SLC14A2: variants seen among roughly 807,000 people sequenced by gnomAD.
SLC14A2 encodes the protein urea transporter 2.
In SLC14A2, 91 loss-of-function variants were observed where a neutral mutation model predicts 104.6. The ratio of observed to expected loss-of-function variants is 0.87; its 90% confidence interval spans 0.73 to 1.04. The LOEUF is 1.04. SLC14A2 is among the 50% of genes least tolerant of loss of function. The pLI, the probability that SLC14A2 is intolerant of heterozygous loss-of-function variation, is 0.00. For synonymous variants in SLC14A2, 476 were observed against 466.4 expected (o/e 1.02, Z -0.27); for missense variants, 1,189 against 1,156.0 (o/e 1.03, Z -0.41).
chr18:45,658,654 T>C (rs189167752), intron 10 of SLC14A2, among the ~76,000 whole-genome samples: 55 of 151,994 alleles, frequency 3.6e-4, no homozygotes, highest in African/African-American at 7.5e-4. Context: ...AAGGTTGATA[T>C]TCAGAAAGAG....
chr18:45,642,275 C>T (rs928384692), intron 8 of SLC14A2, among the ~76,000 whole-genome samples: 18 of 152,186 alleles, frequency 1.2e-4, no homozygotes, highest in African/African-American at 4.1e-4. Flanking sequence ...CCCTTGTATC[C>T]CCTCAGCAGC....
chr18:45,598,256 C>T (rs1164075495), intron 2 of SLC14A2, among the ~76,000 whole-genome samples: 1 of 152,048 alleles, frequency 6.6e-6, no homozygotes, highest in African/African-American at 2.4e-5. Flanking sequence ...AATAGATTAC[C>T]GAGAAGCTCC....
At chr18:45,311,078 C>A (rs2085073817) in intron 1 of SLC14A2, among the ~76,000 whole-genome samples, 1 of 152,156 alleles carries the variant, frequency 6.6e-6, no homozygotes, top group African/African-American at 2.4e-5. Context: ...TTGCTTCGGG[C>A]TTGGTATCCA....
At chr18:45,309,220 C>T (rs559652894) in intron 1 of SLC14A2, among the ~76,000 whole-genome samples, 2 of 152,298 alleles carry the variant, frequency 1.3e-5, no homozygotes, top group South Asian at 4.1e-4. Context: ...TTGGAAGACA[C>T]CCTTATTCCA....
At chr18:45,534,056 A>T (rs1006629936) in intron 2 of SLC14A2, among the ~76,000 whole-genome samples, 1 of 152,226 alleles carries the variant, frequency 6.6e-6, no homozygotes, top group Admixed American at 6.5e-5. Flanking sequence ...CCAGTTCTTA[A>T]GCTTTTGTGC....
chr18:45,313,614 T>A (rs2085100288), intron 1 of SLC14A2, among the ~76,000 whole-genome samples: 1 of 152,242 alleles, frequency 6.6e-6, no homozygotes. Context: ...CTCAGTAATA[T>A]TTCACAAGCT....
chr18:45,170,234 A>G, the SLC14A2 span, among the ~76,000 whole-genome samples: 10 of 152,086 alleles, frequency 6.6e-5, no homozygotes, highest in African/African-American at 2.4e-4. Flanking sequence ...TTGCTCTACA[A>G]CTTCACAGAT....
Position 45,281,532 on chromosome 18 carries a change from C to T in SLC14A2, c.-125+68341C>T, listed in dbSNP as rs138852497. Among the ~76,000 whole-genome samples the T allele has an allele frequency of 5.8e-3, 880 of 152,286 alleles. 2 individuals carry two copies. The highest frequency in any genetic ancestry group is 9.5e-3 in the Non-Finnish European group (648 of 68,032). ...AAGTTTAGATATTTTTTGTTTGTTT[C>T]TTCAGGCTCTTTCCAATCCAAATTT... On this transcript the variant is annotated intron_variant, in intron 1 of 20. Transcript: ENST00000586448.
intron 1 of SLC14A2, among the ~76,000 whole-genome samples, chr18:45,388,704 C>T (rs992439638): frequency 6.6e-6 from 1 of 152,148 alleles, no homozygotes; most frequent in Non-Finnish European, 1.5e-5. Flanking sequence ...ATCCCAGATA[C>T]CAACTAGACA....
chr18:45,260,834 C>T (rs1003377505), intron 1 of SLC14A2, among the ~76,000 whole-genome samples: 2 of 151,952 alleles, frequency 1.3e-5, no homozygotes, highest in Admixed American at 6.6e-5. Flanking sequence ...CTGGGGACTA[C>T]TAGAGAGGGG....
At chr18:45,482,342 A>C (rs1035998483) in intron 1 of SLC14A2, among the ~76,000 whole-genome samples, 1 of 152,206 alleles carries the variant, frequency 6.6e-6, no homozygotes, top group South Asian at 2.1e-4. Flanking sequence ...TCAGTTATCT[A>C]TGGCTGTTTT....
At chr18:45,500,523 G>A (rs1020235977) in intron 2 of SLC14A2, among the ~76,000 whole-genome samples, 1 of 142,812 alleles carries the variant, frequency 7.0e-6, no homozygotes, top group African/African-American at 2.6e-5. Flanking sequence ...CTTGCAGTGA[G>A]CCGAGATCGC....
At chr18:45,519,614 A>G (rs1598952880) in intron 2 of SLC14A2, among the ~76,000 whole-genome samples, 1 of 152,202 alleles carries the variant, frequency 6.6e-6, no homozygotes, top group East Asian at 1.9e-4. Flanking sequence ...AACTAATTGG[A>G]AAAAGGGGGC....
At chr18:45,251,022 TC>T (rs1232861157) in intron 1 of SLC14A2, among the ~76,000 whole-genome samples, 1 of 152,118 alleles carries the variant, frequency 6.6e-6, no homozygotes, top group Admixed American at 6.5e-5. Context: ...AGAAAAAGAA[TC>T]TTTTTATTAA....
At chr18:45,442,739 T>C (rs1302357591) in intron 1 of SLC14A2, among the ~76,000 whole-genome samples, 2 of 152,204 alleles carry the variant, frequency 1.3e-5, no homozygotes, top group Non-Finnish European at 2.9e-5. Context: ...GAGATGTATA[T>C]AAAGCTTAAT....
chr18:45,478,627 C>A (rs961932366), intron 1 of SLC14A2, among the ~76,000 whole-genome samples: 2 of 152,120 alleles, frequency 1.3e-5, no homozygotes, highest in Non-Finnish European at 2.9e-5. Flanking sequence ...TCTTTCTTAA[C>A]CAGCTATTTT....
chr18:45,226,795 A>G (rs2084122864), intron 1 of SLC14A2, among the ~76,000 whole-genome samples: 1 of 150,524 alleles, frequency 6.6e-6, no homozygotes, highest in African/African-American at 2.5e-5. Flanking sequence ...CATGTACCCT[A>G]GAACTTAAAT....
intron 1 of SLC14A2, among the ~76,000 whole-genome samples, chr18:45,312,304 G>A (rs757762383): frequency 6.6e-6 from 1 of 151,918 alleles, no homozygotes; most frequent in Non-Finnish European, 1.5e-5. Context: ...CAATATGAGA[G>A]ACAATCAGCT....
intron 2 of SLC14A2, among the ~76,000 whole-genome samples, chr18:45,600,793 C>T (rs1463161926): frequency 6.6e-6 from 1 of 152,144 alleles, no homozygotes; most frequent in African/African-American, 2.4e-5. Context: ...ACTTCCCTTA[C>T]AAAACGCAAA....
Sources: gnomAD v4.1 joint callset for allele counts (sites outside exome capture counted in the v4.1 genomes callset) on GRCh38, gnomAD v4.1.1 for gene constraint, MANE v1.5 for transcripts, NCBI Gene and HGNC (gene_info 2026-07-23, HGNC 2026-07-21) for gene names.